Variants in ZNF696 observed in about 807,000 individuals in gnomAD.
ZNF696 encodes the protein zinc finger protein 696.
ZNF696 carries 10 observed loss-of-function variants against 12.3 expected under a neutral mutation model. That is an observed-to-expected ratio of 0.81 (90% CI 0.50 to 1.38). The LOEUF (loss-of-function observed/expected upper bound fraction) is 1.38. Ranked by LOEUF, ZNF696 falls within the 40% of genes most tolerant of loss-of-function variation. ZNF696 has a pLI of 0.00. For missense variants in ZNF696, 675 were observed against 554.7 expected, an observed-to-expected ratio of 1.22 and a Z score of -2.18; for synonymous variants, 304 against 243.9, an observed-to-expected ratio of 1.25 and a Z score of -2.29.
intron 2 of ZNF696, among the ~76,000 whole-genome samples, chr8:143,294,894 G>A (rs1365781517): frequency 6.6e-6 from 1 of 152,040 alleles, no homozygotes; most frequent in Non-Finnish European, 1.5e-5. Context: ...TTCAAGACCA[G>A]CCTGGGCAAC....
rs1174429493 is a variant in ZNF696 at position 143,299,049 on chromosome 8, C to A, written c.*2249C>A. ...TGGCCCACACCTGTAATCCCAGCTA[C>A]TCGGGCAGCTGAGGCAGGAGAATCC... is the stretch of plus-strand genomic sequence containing the variant. On this transcript the variant is annotated 3_prime_UTR_variant, in exon 3 of 3. Coordinates refer to ENST00000330143, the MANE Select transcript of ZNF696 (RefSeq NM_030895.3). 1.3e-5 allele frequency among the ~76,000 whole-genome samples: 2 copies of A among 152,144 alleles called. No individual in the cohort carries two copies. Among genetic ancestry groups the A allele is most frequent in the East Asian group, 3.8e-4 (2 of 5,198 alleles).
At position 143,291,540 on chromosome 8, in the gene ZNF696, C is replaced by A; in HGVS notation, c.-258C>A. 1.0e-6 allele frequency: 1 copy of A among 984,350 alleles called. No homozygotes were observed. The highest frequency in any genetic ancestry group is 1.2e-6 in the Non-Finnish European group (1 of 828,954). 61.0% of individuals were successfully genotyped at this position (984,350 alleles called of 1,614,324 possible). On this transcript the variant is annotated 5_prime_UTR_variant, in exon 1 of 3. Transcript: ENST00000330143. ...GCGGTCACCGCCGCCGTGGCCCGCGCGTCCCGCGCTCTCCTTGCAGTGCAG... is the reference window on the plus strand; with the variant it reads ...GCGGTCACCGCCGCCGTGGCCCGCGAGTCCCGCGCTCTCCTTGCAGTGCAG...
At chr8:143,293,646 G>A (rs898098029) in intron 2 of ZNF696, among the ~76,000 whole-genome samples, 3 of 152,160 alleles carry the variant, frequency 2.0e-5, no homozygotes, top group Non-Finnish European at 4.4e-5. Context: ...AGGCGTCCTT[G>A]GGGCCTGCAG....
rs1258150705 is a variant in ZNF696, at chr8:143,291,667, G to C, written c.-131G>C. ...TTCCTGCGAGCTGAGTCCCCGCTGC[G>C]CGTCTTCAGGCCTTTGTAAGTTGTC... On this transcript the variant is annotated 5_prime_UTR_variant, in exon 1 of 3. Coordinates refer to ENST00000330143, the MANE Select transcript of ZNF696 (RefSeq NM_030895.3). 1.0e-6 allele frequency: 1 copy of C among 985,506 alleles called. No homozygotes were observed. The highest frequency in any genetic ancestry group is 1.2e-6 in the Non-Finnish European group (1 of 829,960). 61.0% of individuals were successfully genotyped at this position (985,506 alleles called of 1,614,324 possible).
intron 2 of ZNF696, among the ~76,000 whole-genome samples, chr8:143,295,152 G>A (rs539178013): frequency 1.2e-4 from 19 of 152,212 alleles, no homozygotes; most frequent in Non-Finnish European, 2.4e-4. Context: ...CACTGTCCCC[G>A]GGCCTCCTGC....
intron 2 of ZNF696, 34 bp from the exon 3 acceptor site, chr8:143,295,706 A>G (rs1308379088): frequency 2.6e-6 from 4 of 1,519,674 alleles, no homozygotes; most frequent in Non-Finnish European, 3.5e-6. Context: ...GTTCTCTTAC[A>G]TCTAAAATCG....
intron 2 of ZNF696, chr8:143,293,436 G>A: frequency 5.2e-6 from 2 of 382,068 alleles, no homozygotes. Flanking sequence ...CCCACTTGGT[G>A]TCAGTAGGGC....
rs1776331047 is a variant in ZNF696, at chr8:143,296,196, CGCACAGCGGGG to C, written c.522_532del (p.His175GlufsTer321). 2 of 1,595,556 alleles carry C rather than the reference CGCACAGCGGGG, an allele frequency of 1.3e-6. No individual in the cohort carries two copies. Among genetic ancestry groups the C allele is most frequent in the Non-Finnish European group, 1.7e-6 (2 of 1,174,506 alleles). On this transcript the variant is annotated frameshift_variant, in exon 3 of 3. Coordinates refer to ENST00000330143, the MANE Select transcript of ZNF696 (RefSeq NM_030895.3). LOFTEE classifies it high-confidence loss of function. ...TCGCACGTGGTCCGGCACCAGCGGGCGCACAGCGGGGAGAGGCCCTACGCGTGCGCCGAGTG... is the reference window on the plus strand; with the variant it reads ...TCGCACGTGGTCCGGCACCAGCGGGCAGAGGCCCTACGCGTGCGCCGAGTG...
Position 143,296,331 on chromosome 8 carries a change from G to A in ZNF696, c.656G>A (p.Gly219Asp), listed in dbSNP as rs199703934. The change falls in exon 3 of 3, where the codon GGC becomes GAC. Residue 219 changes from glycine (G) to aspartate (D), a missense_variant. By Grantham distance (94) the Gly-to-Asp change is moderately conservative. Transcript: ENST00000330143. ...YACADCGKAF[G>D]QRSDAAKHRR... ...TGCGCCGACTGCGGCAAGGCCTTCG[G>A]CCAGAGGTCGGACGCCGCCAAGCAC... The A allele has an allele frequency of 1.3e-6, 2 of 1,594,918 alleles. No individual in the cohort carries two copies. Among genetic ancestry groups the A allele is most frequent in the East Asian group, 4.5e-5 (2 of 44,516 alleles).
At chr8:143,293,387 C>T (rs920658924) in intron 2 of ZNF696, 4 of 503,976 alleles carry the variant, frequency 7.9e-6, no homozygotes, top group Non-Finnish European at 1.4e-5. Context: ...AGGGGCCATC[C>T]TGTGTGTTGT....
rs112132515 is a variant in ZNF696, at chr8:143,294,655, C to G, written c.65-1085C>G. ...TGCTGGGATTACAGGCGTGAGCCAC[C>G]GCGACTGGCCTCTTGGTCCGGATTT... On this transcript the variant is annotated intron_variant, in intron 2 of 2. Transcript: ENST00000330143. Among the ~76,000 whole-genome samples the G allele has an allele frequency of 1.9e-3, 283 of 152,242 alleles. 3 individuals are homozygous for G. Among genetic ancestry groups the G allele is most frequent in the African/African-American group, 6.5e-3 (272 of 41,556 alleles).
intron 1 of ZNF696, 109 bp downstream of exon 1, chr8:143,291,876 C>G (rs1015841031): frequency 6.2e-6 from 5 of 806,794 alleles, no homozygotes; most frequent in Non-Finnish European, 7.5e-6. Flanking sequence ...CCTCCTACTC[C>G]TGGGCTCAAG....
chr8:143,296,701 C>A lies in ZNF696; in HGVS notation c.1026C>A (p.Leu342=), dbSNP rs1426871534. 14 of 1,556,746 alleles carry A rather than the reference C, an allele frequency of 9.0e-6. No homozygotes were observed. The highest frequency in any genetic ancestry group is 1.2e-5 in the South Asian group (1 of 85,632). The change falls in exon 3 of 3, where the codon CTC becomes CTA. Residue 342 remains leucine (L), a synonymous_variant. Coordinates refer to ENST00000330143, the MANE Select transcript of ZNF696 (RefSeq NM_030895.3). ...CGGGCTTCTTCCGGCACCAGCGACT[C>A]CACACGGGCGAGAAGCCGTTCCGCT... ...ALSGFFRHQR[L]HTGEKPFRCT... is the part of the protein sequence containing the mutation.
At position 143,296,487 on chromosome 8, in the gene ZNF696, G is replaced by A. The variant is rs1451542606; in HGVS notation, c.812G>A (p.Gly271Asp). 1 of 1,608,758 alleles carries A rather than the reference G, an allele frequency of 6.2e-7. No homozygotes were observed. Among genetic ancestry groups the A allele is most frequent in the Non-Finnish European group, 8.5e-7 (1 of 1,179,202 alleles). ...AACCCGTACGAGTGCCGGGAGTGCG[G>A]CCAGGCCTTCAGCCAGAGCTCCAAC... ...GENPYECREC[G>D]QAFSQSSNLL... The change falls in exon 3 of 3, where the codon GGC becomes GAC. Residue 271 changes from glycine to aspartate, a missense_variant. Physicochemically the swap from Gly to Asp is moderately conservative, Grantham distance 94. Transcript: ENST00000330143.
At chr8:143,294,858 G>A (rs993249770) in intron 2 of ZNF696, among the ~76,000 whole-genome samples, 1 of 152,072 alleles carries the variant, frequency 6.6e-6, no homozygotes, top group African/African-American at 2.4e-5. Context: ...AGGAGGCTCA[G>A]GTGGGAGGAG....
intron 2 of ZNF696, among the ~76,000 whole-genome samples, chr8:143,294,875 G>A (rs60095869): frequency 0.031 from 4,719 of 152,112 alleles, 257 homozygotes; most frequent in African/African-American, 0.11. Flanking sequence ...GGAGGGTTGA[G>A]CCCAGGAGTT....
rs1358163128 is a variant in ZNF696 at position 143,291,605 on chromosome 8, C to T, written c.-193C>T. On this transcript the variant is annotated 5_prime_UTR_variant, in exon 1 of 3. Coordinates refer to ENST00000330143, the MANE Select transcript of ZNF696 (RefSeq NM_030895.3). ...CGGGCGCGGCGTGGGGGAGGCGGCC[C>T]TGCAGGTGCGTACCCGGGGTCCGAC... The T allele has an allele frequency of 2.0e-6, 2 of 985,356 alleles. No homozygotes were observed. The highest frequency in any genetic ancestry group is 2.4e-6 in the Non-Finnish European group (2 of 829,948). 61.0% of individuals were successfully genotyped at this position (985,356 alleles called of 1,614,324 possible).
At chr8:143,295,236 A>G in intron 2 of ZNF696, 1 of 407,894 alleles carries the variant, frequency 2.5e-6, no homozygotes, top group Non-Finnish European at 4.8e-6. Flanking sequence ...GCTGTCCCGC[A>G]GAGTAAGGCA....
chr8:143,296,310 C>T lies in ZNF696; in HGVS notation c.635C>T (p.Ala212Val). 1 of 1,592,558 alleles carries T rather than the reference C, an allele frequency of 6.3e-7. No individual in the cohort carries two copies. Among genetic ancestry groups the T allele is most frequent in the Non-Finnish European group, 8.5e-7 (1 of 1,173,964 alleles). The change falls in exon 3 of 3, where the codon GCC becomes GTC. Residue 212 changes from alanine (A) to valine (V), a missense_variant. By Grantham distance (64) the Ala-to-Val change is moderately conservative (BLOSUM62 0). Coordinates refer to ENST00000330143, the MANE Select transcript of ZNF696 (RefSeq NM_030895.3). ...VHTGEKPYAC[A>V]DCGKAFGQRS... is the part of the protein sequence containing the mutation. ...ACGGGCGAGAAGCCCTACGCGTGCG[C>T]CGACTGCGGCAAGGCCTTCGGCCAG...
Sources: gnomAD v4.1 joint callset for allele counts (sites outside exome capture counted in the v4.1 genomes callset) on GRCh38, gnomAD v4.1.1 for gene constraint, MANE v1.5 for transcripts, NCBI Gene and HGNC (gene_info 2026-07-23, HGNC 2026-07-21) for gene names.